HOOK2: variants seen among roughly 807,000 people sequenced by gnomAD.
HOOK2 encodes the protein protein Hook homolog 2.
In HOOK2, 108 loss-of-function variants were observed where a neutral mutation model predicts 111.9. That is an observed-to-expected ratio of 0.96 (90% confidence interval 0.83 to 1.13). The LOEUF is 1.13. Among genes scored for constraint, HOOK2 ranks in the 50% most tolerant of loss-of-function variants. The pLI, the probability that HOOK2 is intolerant of heterozygous loss-of-function variation, is 0.00. For missense variants in HOOK2, 978 were observed against 951.3 expected, an observed-to-expected ratio of 1.03 and a Z score of -0.37; for synonymous variants, 405 against 394.3, an observed-to-expected ratio of 1.03 and a Z score of -0.32.
In HOOK2 at chr19:12,764,887, T is replaced by C; in HGVS notation, c.1754A>G (p.Asn585Ser). The C allele has an allele frequency of 6.2e-7, 1 of 1,614,180 alleles. No individual in the cohort carries two copies. ...TARRIEELQH[N>S]LQKKDADLRA... ...CAAGTCCGCGTCCTTCTTCTGCAAG[T>C]TATGCTGCAGCTCCTCGATCCGCCG... The change falls in exon 20 of 23, where the codon AAC (asparagine) becomes AGC (serine). Residue 585 changes from asparagine to serine, a missense_variant. This residue lies in a region of HOOK2 where 277 missense variants were observed against 265.8 expected (regional missense o/e 1.04). Transcript: ENST00000397668.
intron 3 of HOOK2, among the ~76,000 whole-genome samples, chr19:12,785,989 C>A (rs568716238): frequency 6.6e-6 from 1 of 152,312 alleles, no homozygotes; most frequent in African/African-American, 2.4e-5. Context: ...GCTTCACCAG[C>A]AGTGGCAGGG....
Position 12,765,604 on chromosome 19 carries a change from C to A in HOOK2, c.1640+86G>T, listed in dbSNP as rs1468599376. 7 of 1,505,168 alleles carry A rather than the reference C, an allele frequency of 4.7e-6. No homozygotes were observed. The Admixed American group carries it at 1.0e-4, about 22-fold the overall frequency. 93.2% of individuals were successfully genotyped at this position (1,505,168 alleles called of 1,614,324 possible). A position where few individuals can be genotyped will look rare whatever the true frequency, so the allele number is the denominator to read the frequency against. On this transcript the variant is annotated intron_variant, in intron 18 of 22. Coordinates refer to ENST00000397668, the MANE Select transcript of HOOK2 (RefSeq NM_013312.3). The stretch of plus-strand genomic sequence containing the variant: ...CTCTACTAAAAATATAAAAAATCAG[C>A]CAGGCATGGTGGCACATGCCTAAGA...
intron 3 of HOOK2, 57 bp downstream of exon 3, chr19:12,774,612 C>T: frequency 6.5e-7 from 1 of 1,544,718 alleles, no homozygotes; most frequent in Non-Finnish European, 9.0e-7. Context: ...GCCTAGCTGG[C>T]CCGTCCCTGG....
chr19:12,785,416 CCT>C (rs774921897), intron 3 of HOOK2, among the ~76,000 whole-genome samples: 2 of 151,586 alleles, frequency 1.3e-5, no homozygotes, highest in South Asian at 4.2e-4. Context: ...CAGCCACAGA[CCT>C]CTTTTACACA....
upstream of HOOK2, among the ~76,000 whole-genome samples, chr19:12,777,167 TA>T (rs1311502853): frequency 1.7e-5 from 1 of 60,348 alleles, no homozygotes. Flanking sequence ...AAAAAATAAA[TA>T]AAATAAAATA....
intron 18 of HOOK2, 145 bp downstream of exon 18, chr19:12,765,545 C>G (rs186176105): frequency 1.7e-6 from 2 of 1,156,880 alleles, no homozygotes; most frequent in Non-Finnish European, 2.5e-6. Context: ...GTCAGGAGTC[C>G]GAGACCAGCC....
Position 12,791,938 on chromosome 19 carries a change from GCGGACC to G in HOOK2, n.42-17719_42-17714del, listed in dbSNP as rs1341034403. On this transcript the variant is annotated intron_variant and non_coding_transcript_variant, in intron 3 of 3. Coordinates refer to the HOOK2 transcript ENST00000589765. The surrounding 1 kb of genome is among the most constrained non-coding windows in gnomAD (Gnocchi z 7.0). ...CGGAGTCTCAAAGCGCCTGGGGCTC[GCGGACC>G]CGGCCCAGAGGGCGGCGGTGGCGGC... is the stretch of plus-strand genomic sequence containing the variant. The G allele has an allele frequency of 4.4e-6, 7 of 1,608,500 alleles. No individual in the cohort carries two copies. The Admixed American group carries it at 1.2e-4, about 27-fold the overall frequency.
Position 12,763,215 on chromosome 19 carries a change from T to C in HOOK2, c.*67A>G. 1 of 1,487,056 alleles carries C rather than the reference T, an allele frequency of 6.7e-7. No homozygotes were observed. Among genetic ancestry groups the C allele is most frequent in the East Asian group, 2.7e-5 (1 of 37,056 alleles). 92.1% of individuals were successfully genotyped at this position (1,487,056 alleles called of 1,614,324 possible). On this transcript the variant is annotated 3_prime_UTR_variant, in exon 23 of 23. Transcript: ENST00000397668. The stretch of plus-strand genomic sequence containing the variant: ...CGAGCACCTGGCTGAAGCCCAGTGC[T>C]GGGCGCCATGTGAGCTGGAGGAAGC...
At chr19:12,766,478 G>A in intron 14 of HOOK2, 3 of 492,770 alleles carry the variant, frequency 6.1e-6, no homozygotes, top group Non-Finnish European at 1.1e-5. Flanking sequence ...TACAAGAGTG[G>A]ATTCGAACAG....
rs1190679575 is a variant in HOOK2, at chr19:12,786,353, G to A, written n.42-12128C>T. Among the ~76,000 whole-genome samples the A allele has an allele frequency of 6.6e-6, 1 of 152,096 alleles. No homozygotes were observed. The highest frequency in any genetic ancestry group is 1.9e-4 in the East Asian group (1 of 5,180). The stretch of plus-strand genomic sequence containing the variant: ...TAGTGAGGGCCCCACTGGTCAGTGG[G>A]GCCAGCAGGGAGGGGGGTCACCGGG... On this transcript the variant is annotated intron_variant and non_coding_transcript_variant, in intron 3 of 3. Transcript: ENST00000589765. The surrounding 1 kb of genome is among the most constrained non-coding windows in gnomAD (Gnocchi z 4.3).
upstream of HOOK2, among the ~76,000 whole-genome samples, chr19:12,775,978 C>A (rs2145781979): frequency 6.9e-6 from 1 of 144,810 alleles, no homozygotes; most frequent in South Asian, 2.2e-4. Flanking sequence ...CTGGGGTTCA[C>A]GCCATTCTCC....
intron 14 of HOOK2, 173 bp from the exon 15 acceptor site, chr19:12,766,413 A>G: frequency 6.6e-6 from 5 of 757,164 alleles, no homozygotes; most frequent in Non-Finnish European, 1.0e-5. Context: ...GCCCAGGGTT[A>G]AAGTGGACGG....
At position 12,767,855 on chromosome 19, in the gene HOOK2, G is replaced by GCAGCT. The variant is rs763663953; in HGVS notation, c.1259_1263dup (p.Arg422SerfsTer12). On this transcript the variant is annotated frameshift_variant, in exon 13 of 23. Transcript: ENST00000397668. LOFTEE classifies it high-confidence loss of function. ...CCCCGCGGCTGCAGCTGGGCGCAGC[G>GCAGCT]CAGCTCCTCATTGGCCTCCCGCAAG... 2 of 1,606,386 alleles carry GCAGCT rather than the reference G, an allele frequency of 1.2e-6. No individual in the cohort carries two copies. The highest frequency in any genetic ancestry group is 1.7e-6 in the Non-Finnish European group (2 of 1,179,902).
chr19:12,788,880 A>C (rs1428154946), intron 3 of HOOK2, among the ~76,000 whole-genome samples: 3 of 152,064 alleles, frequency 2.0e-5, no homozygotes, highest in Non-Finnish European at 2.9e-5. Context: ...GAGCCATTCA[A>C]GCAAGGGGAA....
Position 12,764,836 on chromosome 19 carries a change from C to T in HOOK2, c.1805G>A (p.Arg602His), listed in dbSNP as rs746985822. The change falls in exon 20 of 23, where the codon CGC becomes CAC. Residue 602 changes from arginine (R) to histidine (H), a missense_variant. Around this residue, in one of 5 missense-constraint regions of HOOK2, gnomAD observed 277 missense variants for 265.8 expected, o/e 1.04. Coordinates refer to ENST00000397668, the MANE Select transcript of HOOK2 (RefSeq NM_013312.3). ...DLRAMEERYR[R>H]YVDKARMVMQ... ...CACCATGCGGGCCTTGTCCACGTAGCGGCGGTATCGCTCCTCCATGGCCCG... is the reference window on the plus strand; with the variant it reads ...CACCATGCGGGCCTTGTCCACGTAGTGGCGGTATCGCTCCTCCATGGCCCG... 7 of 1,613,872 alleles carry T rather than the reference C, an allele frequency of 4.3e-6. No homozygotes were observed. The highest frequency in any genetic ancestry group is 5.9e-6 in the Non-Finnish European group (7 of 1,179,998).
intron 3 of HOOK2, among the ~76,000 whole-genome samples, chr19:12,788,887 G>A (rs1352319163): frequency 6.6e-6 from 1 of 152,118 alleles, no homozygotes; most frequent in Admixed American, 6.5e-5. Context: ...TCAAGCAAGG[G>A]GAAGAAGGGA....
Position 12,770,935 on chromosome 19 carries a change from A to G in HOOK2, c.899T>C (p.Leu300Pro). The part of the protein sequence containing the change: ...AQALKDEMDE[L>P]RQSSERAGQL... ...GACCCAGGAACCCACCACTCACCGT[A>G]GTTCATCCATCTCATCCTTCAGGGC... The change falls in exon 10 of 23, where the codon CTA (leucine) becomes CCA (proline). Residue 300 changes from leucine (L) to proline (P), a missense_variant. Transcript: ENST00000397668. 1.1e-5 allele frequency: 18 copies of G among 1,598,322 alleles called. No homozygotes were observed. The highest frequency in any genetic ancestry group is 1.5e-5 in the Non-Finnish European group (18 of 1,168,776).
chr19:12,764,919 T>C lies in HOOK2; in HGVS notation c.1724-2A>G. ...GCAGCTCCTCGATCCGCCGGGCTGC[T>C]GGCGGAAGAGGTGGCCCATCAGCTC... On this transcript the variant is annotated splice_acceptor_variant, in intron 19 of 22. Transcript: ENST00000397668. LOFTEE classifies it high-confidence loss of function. 2 of 1,614,176 alleles carry C rather than the reference T, an allele frequency of 1.2e-6. No individual in the cohort carries two copies. Among genetic ancestry groups the C allele is most frequent in the Admixed American group, 1.7e-5 (1 of 60,018 alleles).
chr19:12,769,940 C>A lies in HOOK2; in HGVS notation c.1045G>T (p.Glu349Ter). 1 of 1,558,624 alleles carries A rather than the reference C, an allele frequency of 6.4e-7. No homozygotes were observed. The highest frequency in any genetic ancestry group is 8.6e-7 in the Non-Finnish European group (1 of 1,159,704). The change falls in exon 11 of 23, where the codon GAG (glutamate) becomes TAG (stop). Residue 349 changes from glutamate (E) to a stop codon, truncating the protein, a stop_gained. Transcript: ENST00000397668. LOFTEE classifies it high-confidence loss of function. Reference protein sequence around the residue: ...AGHAERTRQLEDELRRAGSLR... With the variant: ...AGHAERTRQL ...GAGCCCGCTCGGCGTAGCTCATCCT[C>A]CAGTTGTCGCGTGCGCTCGGCGTGG...
Sources: allele counts gnomAD v4.1 joint callset (sites outside exome capture counted in the v4.1 genomes callset), GRCh38; gene constraint gnomAD v4.1.1; regional missense constraint gnomAD v4.1.1; non-coding constraint Gnocchi (gnomAD v3.1); transcripts MANE v1.5; gene names NCBI Gene and HGNC (gene_info 2026-07-23, HGNC 2026-07-21).